Variants in POP1 observed in about 807,000 individuals in gnomAD.
POP1 encodes the protein ribonucleases P/MRP protein subunit POP1.
POP1 carries 75 observed loss-of-function variants against 102.2 expected under a neutral mutation model. That is an observed-to-expected ratio of 0.73 (90% CI 0.61 to 0.89). The LOEUF is 0.89. Among genes scored for constraint, POP1 ranks in the 40% least tolerant of loss-of-function variants. The pLI, the probability that POP1 is intolerant of heterozygous loss-of-function variation, is 0.00. For missense variants in POP1, 1,116 were observed against 1,267.4 expected, an observed-to-expected ratio of 0.88 and a Z score of 1.81; for synonymous variants, 436 against 464.1, an observed-to-expected ratio of 0.94 and a Z score of 0.78.
chr8:98,130,243 G>A lies in POP1; in HGVS notation c.735+17G>A. 6.2e-7 allele frequency: 1 copy of A among 1,613,982 alleles called. No homozygotes were observed. On this transcript the variant is annotated intron_variant, in intron 5 of 15. Coordinates refer to ENST00000401707, the MANE Select transcript of POP1 (RefSeq NM_001145860.2). ...CTCCTGCAGGTGAGCTTTTCCAGTG[G>A]GCTTTTTTTGTTATTTTTGTTTGAT...
intron 14 of POP1, among the ~76,000 whole-genome samples, chr8:98,155,507 T>A (rs1259784361): frequency 1.3e-5 from 2 of 152,090 alleles, no homozygotes; most frequent in African/African-American, 4.8e-5. Context: ...GGTCTCGAAC[T>A]CCTGACGTGA....
At chr8:98,151,829 A>G (rs892917223) in intron 14 of POP1, among the ~76,000 whole-genome samples, 28 of 133,804 alleles carry the variant, frequency 2.1e-4, no homozygotes, top group African/African-American at 6.5e-4. Flanking sequence ...CACAGCCTCC[A>G]CCTCCCGGAC....
chr8:98,133,517 A>G (rs934692875), intron 5 of POP1, among the ~76,000 whole-genome samples: 1 of 152,200 alleles, frequency 6.6e-6, no homozygotes, highest in Non-Finnish European at 1.5e-5. Context: ...ATAATTTTGC[A>G]GAATTCATTA....
chr8:98,140,340 G>T, intron 10 of POP1, 151 bp downstream of exon 10: 1 of 698,662 alleles, frequency 1.4e-6, no homozygotes. Flanking sequence ...TGAACTCAGT[G>T]AATAAACACT....
Position 98,159,791 on chromosome 8 carries a change from A to C in POP1, c.*1520A>C, listed in dbSNP as rs1308003840. ...GAGACTGAAAAAAAAAAAACAGTGT[A>C]ACTAAGTGGCATCTGTAAACAGAAT... On this transcript the variant is annotated 3_prime_UTR_variant, in exon 16 of 16. Transcript: ENST00000401707. The C allele has an allele frequency of 6.6e-6, 1 of 151,610 alleles. No homozygotes were observed. Among genetic ancestry groups the C allele is most frequent in the Non-Finnish European group, 1.5e-5 (1 of 67,968 alleles). 9.4% of individuals were successfully genotyped at this position (151,610 alleles called of 1,614,324 possible).
At chr8:98,151,361 G>A (rs1475926579) in intron 14 of POP1, among the ~76,000 whole-genome samples, 2 of 152,222 alleles carry the variant, frequency 1.3e-5, no homozygotes, top group Non-Finnish European at 2.9e-5. Context: ...GATTATAGGT[G>A]TGAGCCACTG....
At chr8:98,134,347 G>A (rs1816468394) in intron 6 of POP1, 125 bp from the exon 7 acceptor site, 1 of 953,644 alleles carries the variant, frequency 1.0e-6, no homozygotes, top group African/African-American at 1.6e-5. Flanking sequence ...TTTGATCTGA[G>A]CAATCCTCAC....
chr8:98,158,616 A>G lies in POP1; in HGVS notation c.*345A>G. 3.7e-6 allele frequency: 1 copy of G among 267,434 alleles called. No homozygotes were observed. The highest frequency in any genetic ancestry group is 7.2e-6 in the Non-Finnish European group (1 of 138,480). 16.6% of individuals were successfully genotyped at this position (267,434 alleles called of 1,614,324 possible). The stretch of plus-strand genomic sequence containing the variant: ...CAAAGGGCTTGTCAGGTCTATTTGA[A>G]AAACCTCATAGTCATGTGATAAGCA... On this transcript the variant is annotated 3_prime_UTR_variant, in exon 16 of 16. Coordinates refer to ENST00000401707, the MANE Select transcript of POP1 (RefSeq NM_001145860.2).
At chr8:98,123,047 T>G (rs1364142245) in intron 1 of POP1, among the ~76,000 whole-genome samples, 1 of 152,244 alleles carries the variant, frequency 6.6e-6, no homozygotes, top group Non-Finnish European at 1.5e-5. Context: ...TTTCATTGAT[T>G]CAGGTGGCTC....
At chr8:98,123,253 A>G in intron 1 of POP1, 83 bp from the exon 2 acceptor site, 1 of 1,478,460 alleles carries the variant, frequency 6.8e-7, no homozygotes, top group South Asian at 1.2e-5. Context: ...TTTGAATCAC[A>G]TGAATATTTA....
chr8:98,152,593 A>AT (rs750230885), intron 14 of POP1, among the ~76,000 whole-genome samples: 49 of 139,248 alleles, frequency 3.5e-4, no homozygotes, highest in Non-Finnish European at 6.2e-4. Context: ...GTCGTGAAAT[A>AT]TTATTCTTTT....
chr8:98,126,816 T>C (rs1338619007), intron 2 of POP1, among the ~76,000 whole-genome samples: 2 of 152,204 alleles, frequency 1.3e-5, no homozygotes, highest in Admixed American at 6.5e-5. Flanking sequence ...AGAAGTGTAA[T>C]TGAATTTTGT....
Position 98,123,422 on chromosome 8 carries a change from G to A in POP1, c.85G>A (p.Asp29Asn). ...GACTCTGTCCTCTGGCTTTGTGGCT[G>A]ACAGAGGTGTAAAGCACCACAGTGG... ...NVTLSSGFVA[D>N]RGVKHHSGGE... is the part of the protein sequence containing the mutation. Residue 29 changes from aspartate (D) to asparagine (N), a missense_variant, in exon 2 of 16, where the codon GAC becomes AAC. Coordinates refer to ENST00000401707, the MANE Select transcript of POP1 (RefSeq NM_001145860.2). 3 of 1,614,100 alleles carry A rather than the reference G, an allele frequency of 1.9e-6. No individual in the cohort carries two copies. The highest frequency in any genetic ancestry group is 2.5e-6 in the Non-Finnish European group (3 of 1,179,998).
At chr8:98,121,950 G>T (rs563141480) in intron 1 of POP1, among the ~76,000 whole-genome samples, 1 of 151,964 alleles carries the variant, frequency 6.6e-6, no homozygotes, top group African/African-American at 2.4e-5. Flanking sequence ...CTCCCAAAGC[G>T]CTGGAATTAC....
Position 98,124,336 on chromosome 8 carries a change from C to T in POP1, c.142+857C>T, listed in dbSNP as rs546080771. On this transcript the variant is annotated intron_variant, in intron 2 of 15. Transcript: ENST00000401707. Reference sequence around the variant, plus strand: ...CAGCACTTTCAGAGGCTGAGGCGGGCGGATCACCTGAAGTCAGGAGTTCGA... The same window carrying T: ...CAGCACTTTCAGAGGCTGAGGCGGGTGGATCACCTGAAGTCAGGAGTTCGA... 5.9e-5 allele frequency among the ~76,000 whole-genome samples: 9 copies of T among 152,134 alleles called. No individual in the cohort carries two copies. The East Asian group carries it at 1.7e-3, about 29-fold the overall frequency.
chr8:98,136,427 T>C, intron 7 of POP1, 55 bp from the exon 8 acceptor site: 2 of 1,527,382 alleles, frequency 1.3e-6, no homozygotes, highest in Middle Eastern at 2.3e-4. Flanking sequence ...ACTAAATTTG[T>C]CGTAATATAT....
chr8:98,133,175 CCTCTGTA>C (rs1816431800), intron 5 of POP1, among the ~76,000 whole-genome samples: 1 of 152,046 alleles, frequency 6.6e-6, no homozygotes, highest in Non-Finnish European at 1.5e-5. Context: ...TGTGATTGCG[CCTCTGTA>C]CTCTAGCACT....
At position 98,148,965 on chromosome 8, in the gene POP1, C is replaced by CT; in HGVS notation, c.1862dup (p.Leu622ThrfsTer33). ...AGGCTGGGGAAGTGGCTGGGATGTC[C>CT]TACTCCCAAAGGGCTGGGGCATGGC... On this transcript the variant is annotated frameshift_variant, in exon 13 of 16. Transcript: ENST00000401707. LOFTEE classifies it high-confidence loss of function. 1 of 1,613,626 alleles carries CT rather than the reference C, an allele frequency of 6.2e-7. No individual in the cohort carries two copies. Among genetic ancestry groups the CT allele is most frequent in the Non-Finnish European group, 8.5e-7 (1 of 1,179,744 alleles).
chr8:98,136,818 G>T (rs377030362), intron 8 of POP1, 43 bp from the exon 9 acceptor site: 34 of 1,607,770 alleles, frequency 2.1e-5, no homozygotes, highest in African/African-American at 1.1e-4. Context: ...CACAGATGTT[G>T]TGTGATGAAA....
Sources: allele counts gnomAD v4.1 joint callset (sites outside exome capture counted in the v4.1 genomes callset), GRCh38; gene constraint gnomAD v4.1.1; transcripts MANE v1.5; gene names NCBI Gene and HGNC (gene_info 2026-07-23, HGNC 2026-07-21).